The following MAPKAP1 variants were observed in gnomAD, a reference collection of about 807,000 sequenced individuals.
The protein encoded by MAPKAP1 is MAPK associated protein 1, also known as target of rapamycin complex 2 subunit MAPKAP1.
A neutral mutation model predicts 65.7 loss-of-function variants in MAPKAP1; 20 were observed. That is an observed-to-expected ratio of 0.30 (90% CI 0.21 to 0.44). MAPKAP1 has a LOEUF of 0.44. MAPKAP1 is among the 20% of genes least tolerant of loss of function. The pLI, the probability that MAPKAP1 is intolerant of heterozygous loss-of-function variation, is 1.00. For missense variants in MAPKAP1, 423 were observed against 648.0 expected (o/e 0.65, Z 3.77); for synonymous variants, 222 against 244.3 (o/e 0.91, Z 0.85).
chr9:125,698,298 T>TATATATATAAA lies in MAPKAP1; in HGVS notation c.-70+8672_-70+8673insTTTATATATAT, dbSNP rs1564622400. Among the ~76,000 whole-genome samples, 12 of 12,844 alleles carry TATATATATAAA rather than the reference T, an allele frequency of 9.3e-4. 1 individual carries two copies. Among genetic ancestry groups the TATATATATAAA allele is most frequent in the African/African-American group, 3.7e-3 (12 of 3,216 alleles). The allele number at this position is 12,844 out of a possible 152,430, so 8.4% of individuals were successfully genotyped here. A position where few individuals can be genotyped will look rare whatever the true frequency, so the allele number is the denominator to read the frequency against. On this transcript the variant is annotated intron_variant, in intron 1 of 11. Coordinates refer to ENST00000265960, the MANE Select transcript of MAPKAP1 (RefSeq NM_001006617.3). The stretch of plus-strand genomic sequence containing the variant: ...TACATAATATATATAAATATATATA[T>TATATATATAAA]ATATATATATATATATATATATATA...
At chr9:125,522,195 G>A (rs1027573550) in intron 7 of MAPKAP1, among the ~76,000 whole-genome samples, 2 of 152,258 alleles carry the variant, frequency 1.3e-5, no homozygotes, top group Admixed American at 6.5e-5. Flanking sequence ...ACCACTGCCA[G>A]TGAATGGTTG....
At chr9:125,693,846 T>TACACACACACACACAC (rs1554844769) in intron 1 of MAPKAP1, among the ~76,000 whole-genome samples, 16 of 135,548 alleles carry the variant, frequency 1.2e-4, no homozygotes, top group African/African-American at 4.4e-4. Context: ...TATACACACA[T>TACACACACACACACAC]ACACACACAC....
At chr9:125,457,066 G>A (rs1015967439) in intron 10 of MAPKAP1, among the ~76,000 whole-genome samples, 1 of 149,406 alleles carries the variant, frequency 6.7e-6, no homozygotes, top group African/African-American at 2.5e-5. Flanking sequence ...CTGGCTCACT[G>A]CAACCTCTGC....
At chr9:125,649,981 T>C (rs2131733911) in intron 4 of MAPKAP1, among the ~76,000 whole-genome samples, 1 of 152,232 alleles carries the variant, frequency 6.6e-6, no homozygotes, top group South Asian at 2.1e-4. Flanking sequence ...GCTTCCTAAC[T>C]CAGGGATGGT....
At chr9:125,537,369 T>C (rs1205393086) in intron 7 of MAPKAP1, among the ~76,000 whole-genome samples, 2 of 152,206 alleles carry the variant, frequency 1.3e-5, no homozygotes, top group Non-Finnish European at 2.9e-5. Context: ...ACAGATTAAA[T>C]GAGGTAATAT....
At chr9:125,492,360 T>G (rs1057321758) in intron 8 of MAPKAP1, among the ~76,000 whole-genome samples, 1 of 152,214 alleles carries the variant, frequency 6.6e-6, no homozygotes, top group Non-Finnish European at 1.5e-5. Context: ...TGGACAATAA[T>G]AATGGGAAAC....
chr9:125,682,954 A>T (rs894890520), intron 1 of MAPKAP1, among the ~76,000 whole-genome samples: 1 of 139,034 alleles, frequency 7.2e-6, no homozygotes, highest in African/African-American at 2.9e-5. Flanking sequence ...ATAGAATTTT[A>T]AATTCTTTTT....
intron 6 of MAPKAP1, among the ~76,000 whole-genome samples, chr9:125,553,005 T>G (rs1830627050): frequency 6.6e-6 from 1 of 152,204 alleles, no homozygotes; most frequent in African/African-American, 2.4e-5. Context: ...GCTATATATA[T>G]CTATATGTGC....
intron 4 of MAPKAP1, among the ~76,000 whole-genome samples, chr9:125,651,568 T>G (rs1479220942): frequency 6.6e-6 from 1 of 152,176 alleles, no homozygotes; most frequent in Non-Finnish European, 1.5e-5. Context: ...ATGGTGCGAC[T>G]GCACTCCAGC....
At chr9:125,693,730 CATATAT>C (rs1342948813) in intron 1 of MAPKAP1, among the ~76,000 whole-genome samples, 4 of 134,806 alleles carry the variant, frequency 3.0e-5, no homozygotes, top group African/African-American at 1.4e-4. Flanking sequence ...CGTATATACA[CATATAT>C]ACACGTATAT....
intron 4 of MAPKAP1, among the ~76,000 whole-genome samples, chr9:125,647,821 G>A (rs184508400): frequency 1.2e-4 from 19 of 152,260 alleles, no homozygotes; most frequent in Non-Finnish European, 2.2e-4. Context: ...GGATAGAGAT[G>A]TGTGAACGAA....
intron 4 of MAPKAP1, among the ~76,000 whole-genome samples, chr9:125,628,930 G>A (rs1164181525): frequency 6.6e-6 from 1 of 152,088 alleles, no homozygotes. Context: ...CAAAGGACTT[G>A]CATAGATGTA....
At chr9:125,468,799 T>C (rs1010473669) in intron 9 of MAPKAP1, among the ~76,000 whole-genome samples, 1 of 152,246 alleles carries the variant, frequency 6.6e-6, no homozygotes, top group Non-Finnish European at 1.5e-5. Context: ...GTGTGAGTTT[T>C]ACGCAACAGG....
intron 4 of MAPKAP1, among the ~76,000 whole-genome samples, chr9:125,631,605 G>A (rs139931948): frequency 8.5e-5 from 13 of 152,276 alleles, no homozygotes; most frequent in African/African-American, 3.1e-4. Context: ...CACAGCCATG[G>A]TGATTTATTC....
chr9:125,543,199 C>T, intron 6 of MAPKAP1, 31 bp from the exon 7 acceptor site: 1 of 1,436,810 alleles, frequency 7.0e-7, no homozygotes, highest in Non-Finnish European at 9.8e-7. Flanking sequence ...TAAATCATCA[C>T]CAACATTCAT....
intron 8 of MAPKAP1, among the ~76,000 whole-genome samples, chr9:125,494,244 T>C (rs553688711): frequency 2.0e-5 from 3 of 152,280 alleles, no homozygotes; most frequent in Non-Finnish European, 4.4e-5. Flanking sequence ...CTACTAGTTA[T>C]TTTTGCTGGT....
At chr9:125,660,755 G>A (rs1834160812) in intron 3 of MAPKAP1, among the ~76,000 whole-genome samples, 1 of 152,144 alleles carries the variant, frequency 6.6e-6, no homozygotes, top group African/African-American at 2.4e-5. Flanking sequence ...TCAGAACCGT[G>A]GCAACCGCTA....
chr9:125,700,858 C>A (rs1588091127), intron 1 of MAPKAP1, among the ~76,000 whole-genome samples: 1 of 152,332 alleles, frequency 6.6e-6, no homozygotes, highest in East Asian at 1.9e-4. Flanking sequence ...GGGCTGGGAA[C>A]TCCCTGACCA....
chr9:125,576,877 A>G, intron 5 of MAPKAP1, among the ~76,000 whole-genome samples: 1 of 149,716 alleles, frequency 6.7e-6, no homozygotes, highest in South Asian at 2.1e-4. Flanking sequence ...TACAACCTCC[A>G]CCTCCCAGCC....
Sources: gnomAD v4.1 joint callset for allele counts (sites outside exome capture counted in the v4.1 genomes callset) on GRCh38, gnomAD v4.1.1 for gene constraint, MANE v1.5 for transcripts, NCBI Gene and HGNC (gene_info 2026-07-23, HGNC 2026-07-21) for gene names.